The following URAD variants were observed in gnomAD, a reference collection of about 807,000 sequenced individuals.
URAD encodes putative 2-oxo-4-hydroxy-4-carboxy-5-ureidoimidazoline decarboxylase.
A neutral mutation model predicts 4.6 loss-of-function variants in URAD; 4 were observed. That is an observed-to-expected ratio of 0.87 (90% CI 0.43 to 1.98). URAD has a LOEUF of 1.98. Ranked by LOEUF, URAD falls within the 30% of genes most tolerant of loss-of-function variation. The pLI is 0.03. For missense variants in URAD, 300 were observed against 255.3 expected (o/e 1.18, Z -1.19); for synonymous variants, 144 against 118.2 (o/e 1.22, Z -1.41).
intron 1 of URAD, among the ~76,000 whole-genome samples, chr13:27,979,286 A>G (rs1303263414): frequency 1.3e-5 from 2 of 152,176 alleles, no homozygotes; most frequent in African/African-American, 4.8e-5. Flanking sequence ...AAATCTTTGC[A>G]TAATCTCCTA....
Position 27,988,484 on chromosome 13 carries a change from T to C in URAD, c.154A>G (p.Ile52Val), listed in dbSNP as rs1870101118. The C allele has an allele frequency of 6.2e-7, 1 of 1,612,274 alleles. No homozygotes were observed. The highest frequency in any genetic ancestry group is 8.5e-7 in the Non-Finnish European group (1 of 1,179,096). Residue 52 changes from isoleucine (I) to valine (V), a missense_variant, in exon 1 of 2, where the codon ATT (isoleucine) becomes GTT (valine). Ile to Val is a conservative substitution (Grantham distance 29). Coordinates refer to ENST00000332715, the MANE Select transcript of URAD (RefSeq NM_001105577.2). ...EDLEKHFFAF[I>V]DALAQSGQEG... ...TTACCTGACTGTGCAAGGGCATCAA[T>C]AAAGGCAAAAAAGTGCTTCTCTAAA... is the stretch of plus-strand genomic sequence containing the variant.
chr13:27,983,205 T>C (rs887722067), intron 1 of URAD, among the ~76,000 whole-genome samples: 3 of 152,126 alleles, frequency 2.0e-5, no homozygotes, highest in Non-Finnish European at 2.9e-5. Context: ...GTCGAGTTCA[T>C]CCTGGTCTCA....
intron 1 of URAD, among the ~76,000 whole-genome samples, chr13:27,987,888 TA>T (rs1374390252): frequency 1.5e-5 from 2 of 135,198 alleles, no homozygotes; most frequent in African/African-American, 2.9e-5. Context: ...CTAAAATAGA[TA>T]GATGATAGAT....
At chr13:27,981,116 A>G (rs943897196) in intron 1 of URAD, among the ~76,000 whole-genome samples, 3 of 152,002 alleles carry the variant, frequency 2.0e-5, no homozygotes, top group African/African-American at 4.8e-5. Flanking sequence ...GTAGCTCGGA[A>G]GAAACAGAGC....
At chr13:27,982,435 C>T (rs1038088216) in intron 1 of URAD, among the ~76,000 whole-genome samples, 9 of 152,036 alleles carry the variant, frequency 5.9e-5, no homozygotes, top group Non-Finnish European at 1.3e-4. Context: ...AAAATGACTA[C>T]CACTTACCTT....
chr13:27,985,325 G>A (rs1316276483), intron 1 of URAD, among the ~76,000 whole-genome samples: 1 of 151,978 alleles, frequency 6.6e-6, no homozygotes, highest in Non-Finnish European at 1.5e-5. Flanking sequence ...GGGCATGGTG[G>A]CAGGTGCCTG....
chr13:27,980,236 C>T (rs1197326600), intron 1 of URAD, among the ~76,000 whole-genome samples: 1 of 152,222 alleles, frequency 6.6e-6, no homozygotes, highest in Non-Finnish European at 1.5e-5. Context: ...CCTAACACCA[C>T]TGTGATAGAG....
intron 1 of URAD, among the ~76,000 whole-genome samples, chr13:27,985,551 A>G (rs1338842263): frequency 6.6e-6 from 1 of 152,230 alleles, no homozygotes; most frequent in Admixed American, 6.5e-5. Flanking sequence ...TGCGAAGTAG[A>G]TCATTTTATT....
chr13:27,987,892 T>TGACA (rs1555247013), intron 1 of URAD, among the ~76,000 whole-genome samples: 4 of 150,080 alleles, frequency 2.7e-5, no homozygotes, highest in African/African-American at 9.9e-5. Flanking sequence ...AATAGATAGA[T>TGACA]GATAGATAGA....
chr13:27,988,254 C>T (rs1870093512), intron 1 of URAD, among the ~76,000 whole-genome samples: 1 of 139,392 alleles, frequency 7.2e-6, no homozygotes, highest in Middle Eastern at 3.6e-3. Context: ...ACCAACACGC[C>T]CGGCCTAAAA....
chr13:27,987,150 T>A (rs536315937), intron 1 of URAD, among the ~76,000 whole-genome samples: 5 of 152,338 alleles, frequency 3.3e-5, no homozygotes, highest in African/African-American at 9.6e-5. Flanking sequence ...ATAGGCGGCA[T>A]CGTCTGTTGG....
At chr13:27,985,048 G>A (rs1018431345) in intron 1 of URAD, among the ~76,000 whole-genome samples, 4 of 152,196 alleles carry the variant, frequency 2.6e-5, no homozygotes, top group African/African-American at 9.7e-5. Flanking sequence ...TGTTTATGGT[G>A]TGCACCTTGA....
At chr13:27,987,817 A>G (rs1436311972) in intron 1 of URAD, among the ~76,000 whole-genome samples, 1 of 152,214 alleles carries the variant, frequency 6.6e-6, no homozygotes, top group Non-Finnish European at 1.5e-5. Flanking sequence ...AGACCTGAGG[A>G]AACTTACTGA....
chr13:27,985,966 T>C (rs1161035878), intron 1 of URAD, among the ~76,000 whole-genome samples: 1 of 152,180 alleles, frequency 6.6e-6, no homozygotes, highest in Non-Finnish European at 1.5e-5. Flanking sequence ...TTGTCACCAT[T>C]GATAACATCA....
chr13:27,978,064 C>T lies in URAD; in HGVS notation c.*42G>A, dbSNP rs1340839988. 7.8e-6 allele frequency: 11 copies of T among 1,402,286 alleles called. No homozygotes were observed. Among genetic ancestry groups the T allele is most frequent in the East Asian group, 3.0e-5 (1 of 33,394 alleles). The allele number at this position is 1,402,286 out of a possible 1,614,324, so 86.9% of individuals were successfully genotyped here. Reference sequence around the variant, plus strand: ...GCACAGCTCCGGGCCGTGGCCCCCGCGCGTCCGGTTGTGCGTCCCGGGTCC... The same window carrying T: ...GCACAGCTCCGGGCCGTGGCCCCCGTGCGTCCGGTTGTGCGTCCCGGGTCC... On this transcript the variant is annotated 3_prime_UTR_variant, in exon 2 of 2. Transcript: ENST00000332715.
intron 1 of URAD, among the ~76,000 whole-genome samples, chr13:27,981,714 G>A (rs1432869890): frequency 6.6e-6 from 1 of 152,122 alleles, no homozygotes; most frequent in Non-Finnish European, 1.5e-5. Context: ...TCTTCCTATG[G>A]AAGGCCAACC....
At chr13:27,982,300 G>A (rs952202686) in intron 1 of URAD, among the ~76,000 whole-genome samples, 5 of 152,052 alleles carry the variant, frequency 3.3e-5, no homozygotes, top group Admixed American at 1.3e-4. Context: ...ATAGTGGCAC[G>A]CGCCTATAAT....
intron 1 of URAD, 74 bp downstream of exon 1, chr13:27,988,389 G>A (rs538730619): frequency 1.4e-6 from 2 of 1,441,470 alleles, no homozygotes; most frequent in Admixed American, 4.5e-5. Context: ...ACCATTCCTG[G>A]CCAGTATCTA....
chr13:27,978,069 C>T lies in URAD; in HGVS notation c.*37G>A. The T allele has an allele frequency of 2.1e-6, 3 of 1,415,044 alleles. No homozygotes were observed. Among genetic ancestry groups the T allele is most frequent in the Non-Finnish European group, 1.8e-6 (2 of 1,095,560 alleles). 87.7% of individuals were successfully genotyped at this position (1,415,044 alleles called of 1,614,324 possible). On this transcript the variant is annotated 3_prime_UTR_variant, in exon 2 of 2. Transcript: ENST00000332715. ...GCTCCGGGCCGTGGCCCCCGCGCGTCCGGTTGTGCGTCCCGGGTCCCTGGC... is the reference window on the plus strand; with the variant it reads ...GCTCCGGGCCGTGGCCCCCGCGCGTTCGGTTGTGCGTCCCGGGTCCCTGGC...
Sources: allele counts gnomAD v4.1 joint callset (sites outside exome capture counted in the v4.1 genomes callset), GRCh38; gene constraint gnomAD v4.1.1; transcripts MANE v1.5; gene names NCBI Gene and HGNC (gene_info 2026-07-23, HGNC 2026-07-21).